TPMT: variants seen among roughly 807,000 people sequenced by gnomAD.
The protein encoded by TPMT is S-adenosyl-L-methionine:thiopurine S-methyltransferase.
TPMT carries 18 observed loss-of-function variants against 34.2 expected under a neutral mutation model. The ratio of observed to expected loss-of-function variants is 0.53; its 90% confidence interval spans 0.36 to 0.78. The LOEUF is 0.78. Among genes scored for constraint, TPMT ranks in the 30% least tolerant of loss-of-function variants. The probability of loss-of-function intolerance (pLI) is 0.00; values close to 1 mark genes in which losing one functional copy is unlikely to be tolerated. For synonymous variants in TPMT, 69 were observed against 92.4 expected (o/e 0.75, Z 1.45); for missense variants, 265 against 288.1 (o/e 0.92, Z 0.58).
In TPMT at chr6:18,145,970, C is replaced by T. The variant is rs554555007; in HGVS notation, c.233+1853G>A. ...ACCCTGGGTGACAGAGTGGGACTGT[C>T]TCAAAAAACCAAAAACCTAAACCTA... On this transcript the variant is annotated intron_variant, in intron 3 of 8. Coordinates refer to ENST00000309983, the MANE Select transcript of TPMT (RefSeq NM_000367.5). This position sits in a 1 kb window ranked among gnomAD's most constrained non-coding sequence, Gnocchi z 5.6. 6.6e-6 allele frequency among the ~76,000 whole-genome samples: 1 copy of T among 152,056 alleles called. No homozygotes were observed. Among genetic ancestry groups the T allele is most frequent in the Non-Finnish European group, 1.5e-5 (1 of 68,018 alleles).
At chr6:18,142,527 C>T (rs1372479890) in intron 4 of TPMT, among the ~76,000 whole-genome samples, 4 of 152,064 alleles carry the variant, frequency 2.6e-5, no homozygotes, top group African/African-American at 9.7e-5. Flanking sequence ...TACTTTTGTC[C>T]ACTTTTAAGC....
intron 1 of TPMT, among the ~76,000 whole-genome samples, chr6:18,152,831 A>G (rs933524417): frequency 6.6e-6 from 1 of 152,096 alleles, no homozygotes; most frequent in Admixed American, 6.6e-5. Flanking sequence ...AAAAGATTCT[A>G]CCACTGATAT....
At position 18,150,822 on chromosome 6, in the gene TPMT, G is replaced by A. The variant is rs76055933; in HGVS notation, c.-44-1651C>T. 2.6e-5 allele frequency among the ~76,000 whole-genome samples: 4 copies of A among 152,032 alleles called. No homozygotes were observed. In the East Asian group the frequency reaches 5.8e-4, roughly 22 times the overall value. On this transcript the variant is annotated intron_variant, in intron 1 of 8. Transcript: ENST00000309983. The surrounding 1 kb of genome is among the most constrained non-coding windows in gnomAD (Gnocchi z 5.3). ...CCCTAAAGGTTTAGTGAAGAATCAC[G>A]CCCACCTCAGCCTCCTGAGTAGCTG...
chr6:18,142,922 T>G (rs1166525169), intron 4 of TPMT, among the ~76,000 whole-genome samples: 7 of 152,088 alleles, frequency 4.6e-5, no homozygotes, highest in African/African-American at 1.7e-4. Flanking sequence ...ATCACTCTCC[T>G]TGCTCAGGGA....
rs1784046380 is a variant in TPMT at position 18,136,654 on chromosome 6, A to C, written c.494+2309T>G. On this transcript the variant is annotated intron_variant, in intron 6 of 8. Coordinates refer to ENST00000309983, the MANE Select transcript of TPMT (RefSeq NM_000367.5). The surrounding 1 kb of genome is among the most constrained non-coding windows in gnomAD (Gnocchi z 4.7). ...GAAACCCCGTCTCTACTAAAAATAC[A>C]AAAAAATTAGCCGGGTGTGGTGGAG... 6.6e-6 allele frequency among the ~76,000 whole-genome samples: 1 copy of C among 152,054 alleles called. No homozygotes were observed. Among genetic ancestry groups the C allele is most frequent in the Non-Finnish European group, 1.5e-5 (1 of 68,002 alleles).
rs974748523 is a variant in TPMT, at chr6:18,153,373, C to A, written c.-45+1660G>T. Among the ~76,000 whole-genome samples, 1 of 152,194 alleles carries A rather than the reference C, an allele frequency of 6.6e-6. No homozygotes were observed. The highest frequency in any genetic ancestry group is 2.4e-5 in the African/African-American group (1 of 41,450). ...AATGTCAACTCTGCAATATTAAGGA[C>A]AATATAACACCATTATTCTAACATT... On this transcript the variant is annotated intron_variant, in intron 1 of 8. Transcript: ENST00000309983. The surrounding 1 kb of genome is among the most constrained non-coding windows in gnomAD (Gnocchi z 4.2).
At position 18,139,800 on chromosome 6, in the gene TPMT, CA is replaced by C. The variant is rs566229965; in HGVS notation, c.367-84del. ...GTCAAGGAAAGAGGGCCAAGCAAAG[CA>C]AAAGTTCTAGGGAAAGAATGTGTTA... On this transcript the variant is annotated intron_variant, in intron 4 of 8. Coordinates refer to ENST00000309983, the MANE Select transcript of TPMT (RefSeq NM_000367.5). This position sits in a 1 kb window ranked among gnomAD's most constrained non-coding sequence, Gnocchi z 4.2. 572 of 876,904 alleles carry C rather than the reference CA, an allele frequency of 6.5e-4. 8 individuals carry two copies. The East Asian group carries it at 0.014, about 22-fold the overall frequency. 54.3% of individuals were successfully genotyped at this position (876,904 alleles called of 1,614,324 possible).
chr6:18,149,285 T>A lies in TPMT; in HGVS notation c.-44-114A>T. On this transcript the variant is annotated intron_variant, in intron 1 of 8. Coordinates refer to ENST00000309983, the MANE Select transcript of TPMT (RefSeq NM_000367.5). This position sits in a 1 kb window ranked among gnomAD's most constrained non-coding sequence, Gnocchi z 5.0. ...TGACTTTTTAAAAATATTTCTTTCT[T>A]TTTTTATTTCTGGTTTTATTTTTGA... The A allele has an allele frequency of 2.0e-6, 2 of 980,366 alleles. No homozygotes were observed. Among genetic ancestry groups the A allele is most frequent in the Non-Finnish European group, 3.0e-6 (2 of 667,966 alleles). 60.7% of individuals were successfully genotyped at this position (980,366 alleles called of 1,614,324 possible). A position where few individuals can be genotyped will look rare whatever the true frequency, so the allele number is the denominator to read the frequency against.
At position 18,139,292 on chromosome 6, in the gene TPMT, G is replaced by A. The variant is rs1002017719; in HGVS notation, c.420-255C>T. Among the ~76,000 whole-genome samples, 3 of 152,192 alleles carry A rather than the reference G, an allele frequency of 2.0e-5. No homozygotes were observed. The highest frequency in any genetic ancestry group is 4.4e-5 in the Non-Finnish European group (3 of 68,046). The stretch of plus-strand genomic sequence containing the variant: ...ACATGAAGAAGGAACAAAGGACAGT[G>A]TGCAACAACTCTGCCCCCAGCCTCT... On this transcript the variant is annotated intron_variant, in intron 5 of 8. Transcript: ENST00000309983. The surrounding 1 kb of genome is among the most constrained non-coding windows in gnomAD (Gnocchi z 4.2).
intron 4 of TPMT, among the ~76,000 whole-genome samples, chr6:18,142,545 C>T (rs1784163690): frequency 6.6e-6 from 1 of 151,780 alleles, no homozygotes; most frequent in Non-Finnish European, 1.5e-5. Flanking sequence ...AGCTTCCCCA[C>T]TCCTCTGCCT....
chr6:18,139,840 A>C lies in TPMT; in HGVS notation c.367-123T>G. 3 of 662,326 alleles carry C rather than the reference A, an allele frequency of 4.5e-6. No homozygotes were observed. In the East Asian group the frequency reaches 8.6e-5, roughly 19 times the overall value. 41.0% of individuals were successfully genotyped at this position (662,326 alleles called of 1,614,324 possible). The stretch of plus-strand genomic sequence containing the variant: ...AAGAATGTGTTAATTAAACATAATT[A>C]AAGTAAATAATTTTACTGCACTTTA... On this transcript the variant is annotated intron_variant, in intron 4 of 8. Transcript: ENST00000309983. This position sits in a 1 kb window ranked among gnomAD's most constrained non-coding sequence, Gnocchi z 4.2.
chr6:18,152,591 CTTTT>C lies in TPMT; in HGVS notation c.-45+2438_-45+2441del, dbSNP rs572086653. Among the ~76,000 whole-genome samples the C allele has an allele frequency of 2.4e-3, 312 of 128,798 alleles. 1 individual carries two copies. The highest frequency in any genetic ancestry group is 9.0e-3 in the African/African-American group (298 of 32,966). The allele number at this position is 128,798 out of a possible 152,430, so 84.5% of individuals were successfully genotyped here. ...ACACTTTCTTTCCTTTTCTTTCTTT[CTTTT>C]TTTTTTTTTTGAGATGGAGTTTCGC... is the stretch of plus-strand genomic sequence containing the variant. On this transcript the variant is annotated intron_variant, in intron 1 of 8. Transcript: ENST00000309983.
chr6:18,141,214 T>C (rs1582042610), intron 4 of TPMT, among the ~76,000 whole-genome samples: 1 of 152,312 alleles, frequency 6.6e-6, no homozygotes, highest in South Asian at 2.1e-4. Flanking sequence ...AAGAGGGGCC[T>C]GGAAGCAGGA....
intron 1 of TPMT, among the ~76,000 whole-genome samples, chr6:18,152,849 C>A (rs186365992): frequency 6.6e-6 from 1 of 152,148 alleles, no homozygotes; most frequent in Non-Finnish European, 1.5e-5. Context: ...TATCAACCAA[C>A]CCCCTGATGC....
In TPMT at chr6:18,130,801, AT is replaced by A; in HGVS notation, c.626-22del. On this transcript the variant is annotated intron_variant, in intron 8 of 8. Transcript: ENST00000309983. The surrounding 1 kb of genome is among the most constrained non-coding windows in gnomAD (Gnocchi z 4.2). Reference sequence around the variant, plus strand: ...TTTACCTGAAACAAGAAAGAGTAACATGTTAAAATACTATGAAGAATGACAT... The same window carrying A: ...TTTACCTGAAACAAGAAAGAGTAACAGTTAAAATACTATGAAGAATGACAT... 1 of 1,562,444 alleles carries A rather than the reference AT, an allele frequency of 6.4e-7. No individual in the cohort carries two copies. Among genetic ancestry groups the A allele is most frequent in the Non-Finnish European group, 8.8e-7 (1 of 1,133,458 alleles).
rs17849975 is a variant in TPMT at position 18,130,760 on chromosome 6, A to G, written c.646T>C (p.Cys216Arg). The change falls in exon 9 of 9, where the codon TGT (cysteine) becomes CGT (arginine). Residue 216 changes from cysteine (C) to arginine (R), a missense_variant. Transcript: ENST00000309983. The surrounding 1 kb of genome is among the most constrained non-coding windows in gnomAD (Gnocchi z 4.2). Reference protein sequence around the residue: ...RLFGKICNIRCLEKVDAFEER... With the variant: ...RLFGKICNIRRLEKVDAFEER... Reference sequence around the variant, plus strand: ...TCAAAAGCATCAACCTTCTCAAGACAACGTATATTGCATATTTTACCTGAA... The same window carrying G: ...TCAAAAGCATCAACCTTCTCAAGACGACGTATATTGCATATTTTACCTGAA... 6.2e-7 allele frequency: 1 copy of G among 1,613,458 alleles called. No individual in the cohort carries two copies. Among genetic ancestry groups the G allele is most frequent in the South Asian group, 1.1e-5 (1 of 91,056 alleles).
rs1783865146 is a variant in TPMT at position 18,128,395 on chromosome 6, A to G, written c.*2273T>C. On this transcript the variant is annotated 3_prime_UTR_variant, in exon 9 of 9. Coordinates refer to ENST00000309983, the MANE Select transcript of TPMT (RefSeq NM_000367.5). The surrounding 1 kb of genome is among the most constrained non-coding windows in gnomAD (Gnocchi z 4.6). ...TTCCATCTTGAGATTTTAGGAAGTC[A>G]GTATTCCCCAGTGAAGACACATATT... 1.3e-5 allele frequency: 2 copies of G among 152,360 alleles called. No individual in the cohort carries two copies. Among genetic ancestry groups the G allele is most frequent in the Admixed American group, 6.5e-5 (1 of 15,302 alleles). The allele number at this position is 152,360 out of a possible 1,614,324, so 9.4% of individuals were successfully genotyped here. A position where few individuals can be genotyped will look rare whatever the true frequency, so the allele number is the denominator to read the frequency against.
Position 18,147,846 on chromosome 6 carries a change from G to A in TPMT, c.210C>T (p.Cys70=), listed in dbSNP as rs186214874. ...ACCATTTCATCTCAACCGCTTTTCCGCAAAGAGGAAAAAATACCCTCAGTC... is the reference window on the plus strand; with the variant it reads ...ACCATTTCATCTCAACCGCTTTTCCACAAAGAGGAAAAAATACCCTCAGTC... ...KSGLRVFFPL[C]GKAVEMKWFA... Residue 70 remains cysteine (C), a synonymous_variant, in exon 3 of 9, where the codon TGC becomes TGT. Transcript: ENST00000309983. The A allele has an allele frequency of 5.9e-5, 95 of 1,613,088 alleles. 2 individuals carry two copies. In the East Asian group the frequency reaches 1.0e-3, roughly 17 times the overall value.
Position 18,132,113 on chromosome 6 carries a change from G to A in TPMT, c.625+20C>T, listed in dbSNP as rs748424108. The stretch of plus-strand genomic sequence containing the variant: ...ACTTGACTTTGTTTAAAAAGTTACA[G>A]CATAAGTCCACAAACTTACCAAACA... On this transcript the variant is annotated intron_variant, in intron 8 of 8. Coordinates refer to ENST00000309983, the MANE Select transcript of TPMT (RefSeq NM_000367.5). This position sits in a 1 kb window ranked among gnomAD's most constrained non-coding sequence, Gnocchi z 4.8. The A allele has an allele frequency of 3.1e-6, 5 of 1,613,590 alleles. No homozygotes were observed. The highest frequency in any genetic ancestry group is 4.2e-6 in the Non-Finnish European group (5 of 1,179,554).
Sources: allele counts gnomAD v4.1 joint callset (sites outside exome capture counted in the v4.1 genomes callset), GRCh38; gene constraint gnomAD v4.1.1; non-coding constraint Gnocchi (gnomAD v3.1); transcripts MANE v1.5; gene names NCBI Gene and HGNC (gene_info 2026-07-23, HGNC 2026-07-21).